The following NPAS3 variants were observed in gnomAD, a reference collection of about 807,000 sequenced individuals.
NPAS3 encodes neuronal PAS domain-containing protein 3.
A neutral mutation model predicts 73.1 loss-of-function variants in NPAS3; 14 were observed. That is an observed-to-expected ratio of 0.19 (90% CI 0.13 to 0.30). The LOEUF is 0.30. Ranked by LOEUF, NPAS3 falls within the 10% of genes least tolerant of loss-of-function variation. The pLI, the probability that NPAS3 is intolerant of heterozygous loss-of-function variation, is 1.00. For missense variants in NPAS3, 1,096 were observed against 1,250.0 expected, an observed-to-expected ratio of 0.88 and a Z score of 1.86; for synonymous variants, 620 against 541.5, an observed-to-expected ratio of 1.14 and a Z score of -2.01.
At chr14:33,726,154 A>G (rs796503514) in intron 6 of NPAS3, among the ~76,000 whole-genome samples, 23 of 152,274 alleles carry the variant, frequency 1.5e-4, no homozygotes, top group African/African-American at 5.5e-4. Context: ...AAATTCTCCA[A>G]AGAGAAATGT....
chr14:33,476,146 T>C (rs2051024974), intron 4 of NPAS3, among the ~76,000 whole-genome samples: 1 of 152,246 alleles, frequency 6.6e-6, no homozygotes, highest in African/African-American at 2.4e-5. Context: ...TGTTGGTTTT[T>C]ATCCAAATAT....
In NPAS3 at chr14:33,792,484, A is replaced by G. The variant is rs1316295840; in HGVS notation, c.1154-1413A>G. On this transcript the variant is annotated intron_variant, in intron 9 of 11. Transcript: ENST00000356141. The stretch of plus-strand genomic sequence containing the variant: ...AGATGGATGTGGCACTTTCAGAGCC[A>G]GGAAGAGTGGCTCAGGACAAGATGA... Among the ~76,000 whole-genome samples, 8 of 152,102 alleles carry G rather than the reference A, an allele frequency of 5.3e-5. 1 individual carries two copies. The highest frequency in any genetic ancestry group is 6.8e-3 in the Middle Eastern group (2 of 294).
chr14:32,999,324 A>C lies in NPAS3; in HGVS notation c.51-56581A>C, dbSNP rs1302991386. Among the ~76,000 whole-genome samples the C allele has an allele frequency of 2.0e-5, 3 of 152,250 alleles. No homozygotes were observed. The East Asian group carries it at 5.8e-4, about 30-fold the overall frequency. On this transcript the variant is annotated intron_variant, in intron 1 of 11. Coordinates refer to ENST00000356141, the Ensembl canonical transcript of NPAS3. ...CAGGAGATTGAGACCATCCTGGCTA[A>C]CACGGTGAAACCCCATCTCTACTAA...
At chr14:33,503,593 C>A (rs1388185650) in intron 4 of NPAS3, among the ~76,000 whole-genome samples, 1 of 151,706 alleles carries the variant, frequency 6.6e-6, no homozygotes, top group Admixed American at 6.6e-5. Context: ...AAAAAAATGG[C>A]ACGGCAATGG....
At chr14:33,346,982 C>G (rs2044769223) in intron 3 of NPAS3, among the ~76,000 whole-genome samples, 1 of 152,152 alleles carries the variant, frequency 6.6e-6, no homozygotes, top group South Asian at 2.1e-4. Flanking sequence ...CAAGGTTACT[C>G]CATGTCCACC....
chr14:33,743,542 T>C (rs947127494), intron 7 of NPAS3, among the ~76,000 whole-genome samples: 3 of 152,206 alleles, frequency 2.0e-5, no homozygotes, highest in East Asian at 1.9e-4. Flanking sequence ...CTTAAAAGCA[T>C]AATTCTTAAG....
chr14:33,017,274 T>C lies in NPAS3; in HGVS notation c.51-38631T>C, dbSNP rs115367334. 1.5e-3 allele frequency among the ~76,000 whole-genome samples: 235 copies of C among 152,280 alleles called. 1 individual carries two copies. The highest frequency in any genetic ancestry group is 5.3e-3 in the African/African-American group (220 of 41,562). ...GAATTGACAGCTCTTGAGAAGACAGTAGTCATTAGATGCCAGCCAGGATGC... is the reference window on the plus strand; with the variant it reads ...GAATTGACAGCTCTTGAGAAGACAGCAGTCATTAGATGCCAGCCAGGATGC... On this transcript the variant is annotated intron_variant, in intron 1 of 11. Transcript: ENST00000356141.
chr14:33,744,507 G>A (rs530050601), intron 7 of NPAS3, among the ~76,000 whole-genome samples: 2 of 152,242 alleles, frequency 1.3e-5, no homozygotes, highest in Admixed American at 6.5e-5. Flanking sequence ...TGAACTTTGG[G>A]CCAGGCATGG....
At chr14:33,570,408 T>C (rs750605847) in intron 5 of NPAS3, among the ~76,000 whole-genome samples, 6 of 152,104 alleles carry the variant, frequency 3.9e-5, no homozygotes, top group Non-Finnish European at 7.3e-5. Context: ...CCTGTCTACA[T>C]AACTGTGTGA....
intron 3 of NPAS3, among the ~76,000 whole-genome samples, chr14:33,337,963 A>AT (rs35762578): frequency 0.77 from 115,249 of 149,972 alleles, 44,770 homozygotes; most frequent in African/African-American, 0.88. Context: ...ATTTCTAGGA[A>AT]TTTTTTTTTG....
chr14:33,416,620 C>G (rs1394869341), intron 4 of NPAS3, among the ~76,000 whole-genome samples: 2 of 151,916 alleles, frequency 1.3e-5, no homozygotes, highest in African/African-American at 4.8e-5. Context: ...ATTGGCTTAT[C>G]TTCTTCAAAA....
chr14:33,719,605 A>ATGT (rs1349803841), intron 6 of NPAS3, among the ~76,000 whole-genome samples: 5 of 152,190 alleles, frequency 3.3e-5, no homozygotes, highest in African/African-American at 1.2e-4. Context: ...ACACATTTAA[A>ATGT]GAGAAAAGAA....
rs539185611 is a variant in NPAS3, at chr14:33,376,608, C to T, written c.468+9340C>T. ...GTTAACCTCAGAGCCAGGGCCTTGTCTCAGCTCCGTGTTAGAAGCTTAGTT... is the reference window on the plus strand; with the variant it reads ...GTTAACCTCAGAGCCAGGGCCTTGTTTCAGCTCCGTGTTAGAAGCTTAGTT... On this transcript the variant is annotated intron_variant, in intron 4 of 11. Coordinates refer to ENST00000356141, the Ensembl canonical transcript of NPAS3. Among the ~76,000 whole-genome samples, 5 of 152,290 alleles carry T rather than the reference C, an allele frequency of 3.3e-5. No homozygotes were observed. The South Asian group carries it at 6.2e-4, about 19-fold the overall frequency.
intron 4 of NPAS3, among the ~76,000 whole-genome samples, chr14:33,459,667 G>T (rs2050170787): frequency 6.6e-6 from 1 of 152,100 alleles, no homozygotes; most frequent in Admixed American, 6.6e-5. Context: ...ATATACAAAA[G>T]TTGATTCTTT....
intron 1 of NPAS3, among the ~76,000 whole-genome samples, chr14:33,011,132 C>T (rs1473313595): frequency 6.6e-6 from 1 of 152,164 alleles, no homozygotes; most frequent in African/African-American, 2.4e-5. Context: ...AACCATCATG[C>T]AGTTCAAAAA....
At chr14:33,054,562 T>G (rs1463033392) in intron 1 of NPAS3, among the ~76,000 whole-genome samples, 1 of 152,014 alleles carries the variant, frequency 6.6e-6, no homozygotes, top group Non-Finnish European at 1.5e-5. Flanking sequence ...TTATGAAATA[T>G]TAAGTAAACT....
chr14:33,215,049 C>G (rs914760815), intron 2 of NPAS3, 133 bp from the exon 3 acceptor site: 24 of 902,158 alleles, frequency 2.7e-5, no homozygotes, highest in Non-Finnish European at 3.4e-5. Flanking sequence ...ACTCATTTTA[C>G]TGTCACTCTC....
intron 5 of NPAS3, among the ~76,000 whole-genome samples, chr14:33,672,155 A>G (rs2059626491): frequency 6.6e-6 from 1 of 152,208 alleles, no homozygotes; most frequent in South Asian, 2.1e-4. Flanking sequence ...GTGGGTTATG[A>G]AAGACAGACA....
chr14:33,793,231 C>T (rs1718930653), intron 9 of NPAS3, among the ~76,000 whole-genome samples: 1 of 152,214 alleles, frequency 6.6e-6, no homozygotes, highest in South Asian at 2.1e-4. Context: ...TGTTTGGCTC[C>T]AGCCAAGTCA....
Sources: allele counts gnomAD v4.1 joint callset (sites outside exome capture counted in the v4.1 genomes callset), GRCh38; gene constraint gnomAD v4.1.1; transcripts MANE v1.5; gene names NCBI Gene and HGNC (gene_info 2026-07-23, HGNC 2026-07-21).